ST6GALNAC3: variants seen among roughly 807,000 people sequenced by gnomAD.
ST6GALNAC3 encodes the protein alpha-N-acetylgalactosaminide alpha-2,6-sialyltransferase 3.
ST6GALNAC3 carries 25 observed loss-of-function variants against 32.7 expected under a neutral mutation model. That is an observed-to-expected ratio of 0.76 (90% CI 0.56 to 1.07). The LOEUF (loss-of-function observed/expected upper bound fraction) is 1.07, where lower values mean the gene tolerates loss of function less well. ST6GALNAC3 is among the 50% of genes least tolerant of loss of function. The pLI is 0.00. For missense variants in ST6GALNAC3, 355 were observed against 382.4 expected (o/e 0.93, Z 0.60); for synonymous variants, 129 against 133.1 (o/e 0.97, Z 0.21).
At chr1:76,534,827 A>T (rs573317024) in intron 3 of ST6GALNAC3, among the ~76,000 whole-genome samples, 2 of 152,272 alleles carry the variant, frequency 1.3e-5, no homozygotes, top group South Asian at 4.1e-4. Context: ...TGATTGTCTC[A>T]CCTTTCACAT....
chr1:76,309,469 G>A (rs1646713658), intron 1 of ST6GALNAC3, among the ~76,000 whole-genome samples: 1 of 152,122 alleles, frequency 6.6e-6, no homozygotes, highest in Non-Finnish European at 1.5e-5. Flanking sequence ...ATTCAGCGAT[G>A]TGTAGCCTTC....
chr1:76,266,271 C>T (rs1301027185), intron 1 of ST6GALNAC3, among the ~76,000 whole-genome samples: 1 of 152,052 alleles, frequency 6.6e-6, no homozygotes, highest in Admixed American at 6.6e-5. Context: ...TCCTGGGAGC[C>T]CAGGGCTCTA....
intron 1 of ST6GALNAC3, among the ~76,000 whole-genome samples, chr1:76,174,062 G>A (rs7528649): frequency 0.71 from 108,655 of 152,026 alleles, 40,647 homozygotes; most frequent in East Asian, 0.94. Flanking sequence ...CACTATTTAC[G>A]ATAGCAAAGA....
intron 1 of ST6GALNAC3, among the ~76,000 whole-genome samples, chr1:76,157,787 A>G (rs1651554091): frequency 6.6e-6 from 1 of 152,228 alleles, no homozygotes; most frequent in Non-Finnish European, 1.5e-5. Context: ...AAATTCATCT[A>G]TTCACCCATT....
intron 3 of ST6GALNAC3, among the ~76,000 whole-genome samples, chr1:76,436,885 A>G (rs1327899005): frequency 6.6e-6 from 1 of 152,128 alleles, no homozygotes; most frequent in Non-Finnish European, 1.5e-5. Context: ...GAAAACTGAC[A>G]TAACTATAAT....
At position 76,390,946 on chromosome 1, in the gene ST6GALNAC3, ATT is replaced by A. The variant is rs58114434; in HGVS notation, c.214-21052_214-21051del. Among the ~76,000 whole-genome samples the A allele has an allele frequency of 1.9e-4, 23 of 121,062 alleles. 1 individual carries two copies. Among genetic ancestry groups the A allele is most frequent in the South Asian group, 1.7e-3 (6 of 3,504 alleles). The allele number at this position is 121,062 out of a possible 152,430, so 79.4% of individuals were successfully genotyped here. On this transcript the variant is annotated intron_variant, in intron 2 of 4. Transcript: ENST00000328299. The stretch of plus-strand genomic sequence containing the variant: ...TTAAAATGCTTATATATATATATGT[ATT>A]TTTTTTTTTGAGATGGAGTCTCGCA...
chr1:76,609,074 G>A (rs1647752653), intron 3 of ST6GALNAC3, among the ~76,000 whole-genome samples: 1 of 152,154 alleles, frequency 6.6e-6, no homozygotes, highest in Non-Finnish European at 1.5e-5. Flanking sequence ...GCTCACACCT[G>A]TAATCCCAGC....
chr1:76,406,464 A>T (rs1434508583), intron 2 of ST6GALNAC3, among the ~76,000 whole-genome samples: 1 of 152,052 alleles, frequency 6.6e-6, no homozygotes, highest in Non-Finnish European at 1.5e-5. Context: ...ACCATTTAAA[A>T]GCTAATAAAA....
At position 76,096,745 on chromosome 1, in the gene ST6GALNAC3, T is replaced by TC. The variant is rs557136139; in HGVS notation, c.18+21865dup. 2.9e-4 allele frequency among the ~76,000 whole-genome samples: 44 copies of TC among 151,628 alleles called. No homozygotes were observed. In the East Asian group the frequency reaches 8.5e-3, roughly 29 times the overall value. On this transcript the variant is annotated intron_variant, in intron 1 of 4. Coordinates refer to ENST00000328299, the MANE Select transcript of ST6GALNAC3 (RefSeq NM_152996.4). Reference sequence around the variant, plus strand: ...GTAGGTGTCCCAGAAACAGTCCTTCTCCCCACTTTCAACCCTTCCCGTCTT... The same window carrying TC: ...GTAGGTGTCCCAGAAACAGTCCTTCTCCCCCACTTTCAACCCTTCCCGTCTT...
intron 3 of ST6GALNAC3, among the ~76,000 whole-genome samples, chr1:76,617,187 G>A (rs1648349275): frequency 1.3e-5 from 2 of 152,290 alleles, no homozygotes; most frequent in Non-Finnish European, 2.9e-5. Flanking sequence ...GTCAGAATAA[G>A]TTTGGGTCTG....
rs1436087 is a variant in ST6GALNAC3 at position 76,509,752 on chromosome 1, C to T, written c.623+97335C>T. Among the ~76,000 whole-genome samples the T allele has an allele frequency of 0.29, 44,097 of 152,010 alleles. 6,674 individuals are homozygous for T. Among genetic ancestry groups the T allele is most frequent in the Admixed American group, 0.37 (5,647 of 15,270 alleles). On this transcript the variant is annotated intron_variant, in intron 3 of 4. Transcript: ENST00000328299. This position sits in a 1 kb window ranked among gnomAD's most constrained non-coding sequence, Gnocchi z 5.5. ...CAAGACTGCCTACATCCTTGGCTCA[C>T]GGCCCCACTCCACCAATTTCTGCTT...
intron 1 of ST6GALNAC3, among the ~76,000 whole-genome samples, chr1:76,256,244 T>G (rs143137500): frequency 8.5e-4 from 129 of 152,274 alleles, no homozygotes; most frequent in Middle Eastern, 3.4e-3. Flanking sequence ...ATGGTCTTCC[T>G]TCTCTCTCTC....
At chr1:76,155,613 G>T (rs1008529019) in intron 1 of ST6GALNAC3, among the ~76,000 whole-genome samples, 1 of 149,218 alleles carries the variant, frequency 6.7e-6, no homozygotes, top group Non-Finnish European at 1.5e-5. Context: ...GACGACAGGC[G>T]CCCGCCACTA....
At chr1:76,120,961 A>G (rs919713536) in intron 1 of ST6GALNAC3, among the ~76,000 whole-genome samples, 8 of 152,038 alleles carry the variant, frequency 5.3e-5, no homozygotes, top group African/African-American at 1.9e-4. Context: ...GAGGCTTCTG[A>G]TATTCCTTGG....
chr1:76,452,594 A>G (rs894019773), intron 3 of ST6GALNAC3, among the ~76,000 whole-genome samples: 1 of 152,100 alleles, frequency 6.6e-6, no homozygotes, highest in Non-Finnish European at 1.5e-5. Context: ...TAACTTGTGG[A>G]TGTTAAACTA....
intron 2 of ST6GALNAC3, among the ~76,000 whole-genome samples, chr1:76,407,688 A>G (rs530927842): frequency 4.6e-5 from 7 of 152,184 alleles, no homozygotes; most frequent in Admixed American, 6.6e-5. Flanking sequence ...TAATGAAAAA[A>G]AAAAAGCAAA....
intron 2 of ST6GALNAC3, among the ~76,000 whole-genome samples, chr1:76,393,714 T>A (rs1039864471): frequency 3.3e-5 from 5 of 152,128 alleles, no homozygotes; most frequent in African/African-American, 1.2e-4. Context: ...AAGGCCTTAT[T>A]TCTCCCTATA....
Position 76,137,980 on chromosome 1 carries a change from C to T in ST6GALNAC3, c.18+63096C>T, listed in dbSNP as rs374064662. Among the ~76,000 whole-genome samples the T allele has an allele frequency of 3.3e-5, 5 of 152,342 alleles. No homozygotes were observed. In the East Asian group the frequency reaches 7.7e-4, roughly 23 times the overall value. ...ACTATTGCATAACTTCAACAACAAA[C>T]CTTCATTCTGTTGTGGTAAAACTTC... On this transcript the variant is annotated intron_variant, in intron 1 of 4. Transcript: ENST00000328299.
In ST6GALNAC3 at chr1:76,460,163, A is replaced by T. The variant is rs565694264; in HGVS notation, c.623+47746A>T. 4.2e-3 allele frequency among the ~76,000 whole-genome samples: 646 copies of T among 152,236 alleles called. 10 individuals are homozygous for T. The highest frequency in any genetic ancestry group is 0.015 in the African/African-American group (623 of 41,536). On this transcript the variant is annotated intron_variant, in intron 3 of 4. Coordinates refer to ENST00000328299, the MANE Select transcript of ST6GALNAC3 (RefSeq NM_152996.4). ...AACCCTTGTTATTTTTCATTTTTTT[A>T]AATAGCCATACTAATCAGTGAGAGG... is the stretch of plus-strand genomic sequence containing the variant.
Sources: allele counts gnomAD v4.1 joint callset (sites outside exome capture counted in the v4.1 genomes callset), GRCh38; gene constraint gnomAD v4.1.1; non-coding constraint Gnocchi (gnomAD v3.1); transcripts MANE v1.5; gene names NCBI Gene and HGNC (gene_info 2026-07-23, HGNC 2026-07-21).